Variants in EPS15L1 observed in about 807,000 individuals in gnomAD.
EPS15L1 encodes epidermal growth factor receptor substrate 15-like 1.
A neutral mutation model predicts 117.1 loss-of-function variants in EPS15L1; 43 were observed. The ratio of observed to expected loss-of-function variants is 0.37; its 90% CI spans 0.29 to 0.47. The LOEUF is 0.47. Among genes scored for constraint, EPS15L1 ranks in the 20% least tolerant of loss-of-function variants. The pLI is 0.99. For missense variants in EPS15L1, 981 were observed against 1,164.0 expected (o/e 0.84, Z 2.29); for synonymous variants, 459 against 470.5 (o/e 0.98, Z 0.32).
chr19:16,400,981 G>A (rs551364359), intron 16 of EPS15L1: 2 of 985,458 alleles, frequency 2.0e-6, no homozygotes, highest in South Asian at 4.7e-5. Flanking sequence ...GCCAGATGGG[G>A]AAAGTAGGAG....
chr19:16,417,701 C>G lies in EPS15L1; in HGVS notation c.1108-64G>C, dbSNP rs1226150558. 2.1e-6 allele frequency: 3 copies of G among 1,410,488 alleles called. No individual in the cohort carries two copies. In the African/African-American group the frequency reaches 4.2e-5, roughly 20 times the overall value. 87.4% of individuals were successfully genotyped at this position (1,410,488 alleles called of 1,614,324 possible). ...CCTGACATCACCTGACAGGAGGCACCAGCAGTTCTCGGGCCCAGGGATAAA... is the reference window on the plus strand; with the variant it reads ...CCTGACATCACCTGACAGGAGGCACGAGCAGTTCTCGGGCCCAGGGATAAA... On this transcript the variant is annotated intron_variant, in intron 11 of 23. Transcript: ENST00000455140.
rs191693083 is a variant in EPS15L1, at chr19:16,371,300, G to C, written c.2380+5822C>G. Among the ~76,000 whole-genome samples the C allele has an allele frequency of 6.6e-5, 10 of 152,292 alleles. No homozygotes were observed. The highest frequency in any genetic ancestry group is 2.0e-4 in the Admixed American group (3 of 15,294). The stretch of plus-strand genomic sequence containing the variant: ...TCCTGTGTGGCACCCCCGGCAGGGA[G>C]GTCAAGAACTCACGGCCACCCTGGG... On this transcript the variant is annotated intron_variant, in intron 22 of 23. Transcript: ENST00000455140. This position sits in a 1 kb window ranked among gnomAD's most constrained non-coding sequence, Gnocchi z 4.7.
intron 4 of EPS15L1, among the ~76,000 whole-genome samples, chr19:16,439,525 C>T (rs1396521096): frequency 6.6e-6 from 1 of 151,168 alleles, no homozygotes; most frequent in Non-Finnish European, 1.5e-5. Context: ...CTCGTCTCTA[C>T]AAAAAAAATA....
intron 23 of EPS15L1, 194 bp downstream of exon 23, chr19:16,361,585 C>CTT (rs774439435): frequency 1.1e-3 from 1,201 of 1,084,448 alleles, no homozygotes; most frequent in Admixed American, 4.6e-3. Context: ...AACTGCGGCT[C>CTT]TTTTTTTTTT....
chr19:16,408,086 C>T (rs1397307635), intron 13 of EPS15L1, among the ~76,000 whole-genome samples: 4 of 151,972 alleles, frequency 2.6e-5, no homozygotes, highest in African/African-American at 7.3e-5. Flanking sequence ...AGCGTTAGGC[C>T]GGATGGGGTA....
intron 7 of EPS15L1, among the ~76,000 whole-genome samples, chr19:16,429,297 G>A (rs1248853211): frequency 6.6e-6 from 1 of 152,294 alleles, no homozygotes; most frequent in African/African-American, 2.4e-5. Context: ...GTTCTGGAGC[G>A]TGCCTAAGAC....
rs535907665 is a variant in EPS15L1 at position 16,376,086 on chromosome 19, C to T, written c.2380+1036G>A. Among the ~76,000 whole-genome samples the T allele has an allele frequency of 9.2e-5, 14 of 152,162 alleles. 1 individual carries two copies. Among genetic ancestry groups the T allele is most frequent in the East Asian group, 1.9e-4 (1 of 5,170 alleles). ...GCAGGAGGGTGAGCACCACTTCCCTCGCTGGAGCTGATGGAAAGGGCTCGG... is the reference window on the plus strand; with the variant it reads ...GCAGGAGGGTGAGCACCACTTCCCTTGCTGGAGCTGATGGAAAGGGCTCGG... On this transcript the variant is annotated intron_variant, in intron 22 of 23. Transcript: ENST00000455140.
chr19:16,358,877 A>G (rs927264063), intron 23 of EPS15L1, among the ~76,000 whole-genome samples: 1 of 152,226 alleles, frequency 6.6e-6, no homozygotes, highest in African/African-American at 2.4e-5. Flanking sequence ...GCGAACTTCC[A>G]AAAGAACCGT....
intron 17 of EPS15L1, 92 bp downstream of exon 17, chr19:16,395,252 G>A: frequency 1.6e-6 from 2 of 1,253,252 alleles, no homozygotes; most frequent in Admixed American, 2.2e-5. Flanking sequence ...TCAGATTGTG[G>A]CATGTCCTTA....
intron 1 of EPS15L1, among the ~76,000 whole-genome samples, chr19:16,464,486 C>T (rs1358149184): frequency 1.3e-5 from 2 of 152,200 alleles, no homozygotes; most frequent in Non-Finnish European, 1.5e-5. Flanking sequence ...CAAACTCTCA[C>T]GTCTTATTTA....
At chr19:16,418,239 T>C (rs1448457433) in intron 10 of EPS15L1, 135 bp from the exon 11 acceptor site, 2 of 924,716 alleles carry the variant, frequency 2.2e-6, no homozygotes, top group East Asian at 2.6e-5. Context: ...CCCCAGCTCC[T>C]TCCCTACTTC....
chr19:16,414,211 T>A (rs936467335), intron 12 of EPS15L1, among the ~76,000 whole-genome samples: 1 of 151,814 alleles, frequency 6.6e-6, no homozygotes, highest in African/African-American at 2.4e-5. Flanking sequence ...GAGCATGGAG[T>A]GGCCCTGGCT....
intron 13 of EPS15L1, among the ~76,000 whole-genome samples, chr19:16,407,527 T>C (rs1421324956): frequency 6.6e-6 from 1 of 152,140 alleles, no homozygotes; most frequent in Non-Finnish European, 1.5e-5. Context: ...GGTTTCACCA[T>C]GTTGGCCAGG....
intron 16 of EPS15L1, chr19:16,400,935 G>A (rs1177519933): frequency 4.1e-6 from 4 of 985,302 alleles, no homozygotes; most frequent in Non-Finnish European, 4.8e-6. Context: ...AACGAAGACT[G>A]AGCAGGACAA....
intron 9 of EPS15L1, among the ~76,000 whole-genome samples, chr19:16,422,754 T>G (rs143106495): frequency 6.6e-6 from 1 of 152,094 alleles, no homozygotes; most frequent in East Asian, 1.9e-4. Context: ...GCCAGGAGTT[T>G]GAGACCAGAT....
Position 16,383,335 on chromosome 19 carries a change from C to T in EPS15L1, c.2247+1794G>A, listed in dbSNP as rs2092383299. 1 of 152,228 alleles carries T rather than the reference C, an allele frequency of 6.6e-6. No individual in the cohort carries two copies. Among genetic ancestry groups the T allele is most frequent in the Non-Finnish European group, 1.5e-5 (1 of 68,040 alleles). 9.4% of individuals were successfully genotyped at this position (152,228 alleles called of 1,614,324 possible). A position where few individuals can be genotyped will look rare whatever the true frequency, so the allele number is the denominator to read the frequency against. On this transcript the variant is annotated intron_variant, in intron 21 of 23. Transcript: ENST00000455140. The surrounding 1 kb of genome is among the most constrained non-coding windows in gnomAD (Gnocchi z 5.2). ...GGCCCTAGCTCAGGCTCTGCTAGCT[C>T]TCCCTCCCTCTGCTCACAGTGAGAG...
intron 16 of EPS15L1, chr19:16,401,343 A>G (rs2092599576): frequency 1.0e-6 from 1 of 985,486 alleles, no homozygotes; most frequent in Non-Finnish European, 1.2e-6. Flanking sequence ...AGCATTGAAC[A>G]TAAAGAGGCA....
intron 13 of EPS15L1, among the ~76,000 whole-genome samples, chr19:16,410,517 G>C (rs1328826212): frequency 6.6e-6 from 1 of 152,178 alleles, no homozygotes; most frequent in Non-Finnish European, 1.5e-5. Context: ...TTGAGATAAA[G>C]GCAAACAGGT....
chr19:16,461,544 C>T (rs200139528), intron 1 of EPS15L1, among the ~76,000 whole-genome samples: 1 of 140,444 alleles, frequency 7.1e-6, no homozygotes, highest in Non-Finnish European at 1.5e-5. Flanking sequence ...ATCACTTGAA[C>T]CCAAGAGGCA....
Sources: allele counts gnomAD v4.1 joint callset (sites outside exome capture counted in the v4.1 genomes callset), GRCh38; gene constraint gnomAD v4.1.1; non-coding constraint Gnocchi (gnomAD v3.1); transcripts MANE v1.5; gene names NCBI Gene and HGNC (gene_info 2026-07-23, HGNC 2026-07-21).